Variants in MRPS21 observed in about 807,000 individuals in gnomAD.
MRPS21 encodes small ribosomal subunit protein bS21m.
Under a neutral mutation model 9.9 loss-of-function variants are expected in MRPS21, and 8 were observed. The observed-to-expected ratio is 0.81, with a 90% CI of 0.47 to 1.45. The LOEUF (loss-of-function observed/expected upper bound fraction) is 1.45, where lower values mean the gene tolerates loss of function less well. Among genes scored for constraint, MRPS21 ranks in the 40% most tolerant of loss-of-function variants. The pLI, the probability that MRPS21 is intolerant of heterozygous loss-of-function variation, is 0.00. For synonymous variants in MRPS21, 40 were observed against 40.3 expected, an observed-to-expected ratio of 0.99 and a Z score of 0.03; for missense variants, 101 against 118.9, an observed-to-expected ratio of 0.85 and a Z score of 0.70.
intron 2 of MRPS21, among the ~76,000 whole-genome samples, 200 bp downstream of exon 2, chr1:150,294,649 A>C (rs1553856230): frequency 1.3e-5 from 2 of 152,168 alleles, no homozygotes; most frequent in Non-Finnish European, 2.9e-5. Flanking sequence ...CTGTAATCCC[A>C]GCACTTTGGG....
chr1:150,298,908 T>G (rs1214803092), intron 2 of MRPS21, among the ~76,000 whole-genome samples: 1 of 152,102 alleles, frequency 6.6e-6, no homozygotes, highest in African/African-American at 2.4e-5. Flanking sequence ...CTGAACCACT[T>G]CTTACAGTTG....
chr1:150,296,757 T>C (rs1653927057), intron 2 of MRPS21, among the ~76,000 whole-genome samples: 1 of 100,846 alleles, frequency 9.9e-6, no homozygotes, highest in Admixed American at 1.3e-4. Context: ...CTTTAATAAT[T>C]ATTACTAGTC....
At chr1:150,305,795 A>T (rs1478478348) in intron 2 of MRPS21, among the ~76,000 whole-genome samples, 1 of 152,130 alleles carries the variant, frequency 6.6e-6, no homozygotes, top group Non-Finnish European at 1.5e-5. Flanking sequence ...GGGTTTCACC[A>T]TGTTGGCCAG....
intron 2 of MRPS21, among the ~76,000 whole-genome samples, chr1:150,307,126 A>G (rs587655218): frequency 1.5e-4 from 22 of 148,996 alleles, no homozygotes; most frequent in African/African-American, 4.7e-4. Context: ...GCTCACTGCA[A>G]CCTCCACCTC....
At chr1:150,307,299 C>T (rs1021667104) in intron 2 of MRPS21, among the ~76,000 whole-genome samples, 2 of 149,744 alleles carry the variant, frequency 1.3e-5, no homozygotes, top group African/African-American at 2.5e-5. Context: ...CCACCTGCCT[C>T]GGCTTCCCGA....
rs150281681 is a variant in MRPS21, at chr1:150,297,073, C to T, written c.83+2624C>T. 3.9e-3 allele frequency among the ~76,000 whole-genome samples: 585 copies of T among 151,588 alleles called. 3 individuals carry two copies. The highest frequency in any genetic ancestry group is 0.013 in the African/African-American group (546 of 41,360). ...TTGGGAGGCCAAGGCGGGCGGATCA[C>T]GAGGTCAGGACATCGAGACCATCCT... On this transcript the variant is annotated intron_variant, in intron 2 of 2. Coordinates refer to ENST00000614145, the MANE Select transcript of MRPS21 (RefSeq NM_031901.6).
chr1:150,294,556 T>A, intron 2 of MRPS21, 107 bp downstream of exon 2: 2 of 942,212 alleles, frequency 2.1e-6, no homozygotes, highest in Non-Finnish European at 1.7e-6. Flanking sequence ...CCAGCCCAGG[T>A]GTTCACAGTC....
chr1:150,305,665 G>C (rs1483255480), intron 2 of MRPS21, among the ~76,000 whole-genome samples: 3 of 152,024 alleles, frequency 2.0e-5, no homozygotes, highest in Non-Finnish European at 4.4e-5. Flanking sequence ...CTTGATCTCG[G>C]CTCATTGCAA....
intron 2 of MRPS21, among the ~76,000 whole-genome samples, chr1:150,295,324 T>TG (rs1290337746): frequency 7.9e-5 from 12 of 152,166 alleles, no homozygotes; most frequent in Non-Finnish European, 5.9e-5. Context: ...GACAGGGTCT[T>TG]GCTGTGTCAC....
chr1:150,304,085 T>G, intron 2 of MRPS21: 1 of 368,502 alleles, frequency 2.7e-6, no homozygotes, highest in Non-Finnish European at 5.5e-6. Flanking sequence ...CCGAGGTGGG[T>G]GGATCACCTG....
intron 2 of MRPS21, among the ~76,000 whole-genome samples, chr1:150,297,246 G>A (rs756377463): frequency 2.7e-5 from 4 of 150,676 alleles, no homozygotes; most frequent in Non-Finnish European, 4.4e-5. Flanking sequence ...AGCCGAGAGC[G>A]TGCCACTACA....
intron 2 of MRPS21, among the ~76,000 whole-genome samples, chr1:150,296,740 C>T (rs1183795224): frequency 7.9e-6 from 1 of 126,350 alleles, no homozygotes; most frequent in African/African-American, 3.1e-5. Context: ...CTTTTTAGTG[C>T]AATGTTCTTT....
intron 2 of MRPS21, chr1:150,304,265 G>A: frequency 4.1e-6 from 1 of 245,768 alleles, no homozygotes; most frequent in South Asian, 4.9e-5. Context: ...GAGCCAAGAT[G>A]GTGACACTGC....
chr1:150,300,026 G>A (rs1654059507), intron 2 of MRPS21, among the ~76,000 whole-genome samples: 1 of 151,994 alleles, frequency 6.6e-6, no homozygotes, highest in Admixed American at 6.6e-5. Context: ...ATTTCACCAG[G>A]ATTGAAAATT....
chr1:150,295,952 C>CT (rs35860472), intron 2 of MRPS21, among the ~76,000 whole-genome samples: 2,857 of 115,818 alleles, frequency 0.025, 127 homozygotes, highest in African/African-American at 0.079. Context: ...CCTAGTAATA[C>CT]TTTTTTTTTT....
At chr1:150,297,786 CCAGG>C (rs1242626227) in intron 2 of MRPS21, among the ~76,000 whole-genome samples, 1 of 152,060 alleles carries the variant, frequency 6.6e-6, no homozygotes, top group African/African-American at 2.4e-5. Context: ...AAGATAAGTA[CCAGG>C]TTGTAAGGTA....
chr1:150,303,413 A>T lies in MRPS21; in HGVS notation c.84-4635A>T, dbSNP rs150767704. On this transcript the variant is annotated intron_variant, in intron 2 of 2. Transcript: ENST00000614145. ...AGTCTCAGCAGAAATAAATGTTTAC[A>T]TGTTTAGATCATTCTTTTATCCAAG... Among the ~76,000 whole-genome samples the T allele has an allele frequency of 3.3e-3, 510 of 152,322 alleles. 5 individuals carry two copies. The highest frequency in any genetic ancestry group is 0.012 in the African/African-American group (480 of 41,556).
chr1:150,307,392 CTG>C (rs1553858718), intron 2 of MRPS21, among the ~76,000 whole-genome samples: 1 of 122,694 alleles, frequency 8.2e-6, no homozygotes, highest in Non-Finnish European at 1.6e-5. Context: ...AGGTGTCACT[CTG>C]TTGTCCAGGC....
chr1:150,301,694 C>T (rs587725558), intron 2 of MRPS21, among the ~76,000 whole-genome samples: 1 of 151,584 alleles, frequency 6.6e-6, no homozygotes, highest in African/African-American at 2.4e-5. Context: ...CAACCTCTGT[C>T]TCCCGGGTTC....
Sources: gnomAD v4.1 joint callset for allele counts (sites outside exome capture counted in the v4.1 genomes callset) on GRCh38, gnomAD v4.1.1 for gene constraint, MANE v1.5 for transcripts, NCBI Gene and HGNC (gene_info 2026-07-23, HGNC 2026-07-21) for gene names.